ENTREP2: variants seen among roughly 807,000 people sequenced by gnomAD.
ENTREP2 encodes the protein protein ENTREP2.
chr15:29,600,179 A>G, the ENTREP2 span, among the ~76,000 whole-genome samples: 19 of 152,270 alleles, frequency 1.2e-4, no homozygotes, highest in Non-Finnish European at 1.9e-4. Flanking sequence ...CTGAGCATGC[A>G]TGGCTTGAGA....
the ENTREP2 span, among the ~76,000 whole-genome samples, chr15:29,507,629 T>A: frequency 6.6e-6 from 1 of 152,144 alleles, no homozygotes; most frequent in South Asian, 2.1e-4. Context: ...ACATGGAAAC[T>A]GAACAACCTG....
the ENTREP2 span, among the ~76,000 whole-genome samples, chr15:29,281,284 GGAT>G: frequency 6.6e-6 from 1 of 152,070 alleles, no homozygotes. Context: ...TCTTACTTAA[GGAT>G]GATATTTTCT....
chr15:29,202,182 T>A, the ENTREP2 span, among the ~76,000 whole-genome samples: 8 of 152,142 alleles, frequency 5.3e-5, no homozygotes, highest in Admixed American at 4.6e-4. Flanking sequence ...TAGAGTTTTG[T>A]CAATGTTGTT....
the ENTREP2 span, among the ~76,000 whole-genome samples, chr15:29,444,210 GAA>G: frequency 6.8e-6 from 1 of 146,022 alleles, no homozygotes; most frequent in African/African-American, 2.7e-5. Context: ...AAGAAAGAAA[GAA>G]AGAAAGAAAG....
the ENTREP2 span, among the ~76,000 whole-genome samples, chr15:29,600,892 A>ATTTTTTTTTTTTTTTTTTTTTT: frequency 1.0e-5 from 1 of 97,952 alleles, no homozygotes; most frequent in Non-Finnish European, 1.9e-5. Flanking sequence ...GGAAAATATG[A>ATTTTTTTTTTTTTTTTTTTTTT]TTTTTCTTTC....
chr15:29,270,341 A>C, the ENTREP2 span, among the ~76,000 whole-genome samples: 722 of 152,346 alleles, frequency 4.7e-3, 18 homozygotes, highest in Admixed American at 0.035. Flanking sequence ...CTTTCTGCGC[A>C]AGCAGGACTT....
At chr15:29,356,074 T>A in the ENTREP2 span, among the ~76,000 whole-genome samples, 1 of 151,868 alleles carries the variant, frequency 6.6e-6, no homozygotes, top group Non-Finnish European at 1.5e-5. Flanking sequence ...CCCAGGGACT[T>A]ACATTTGCTG....
At chr15:29,373,481 G>C in the ENTREP2 span, 2 of 152,066 alleles carry the variant, frequency 1.3e-5, no homozygotes, top group African/African-American at 2.4e-5. Flanking sequence ...TAACATGGAG[G>C]CTCCTCCAGT....
the ENTREP2 span, among the ~76,000 whole-genome samples, chr15:29,369,186 AG>A: frequency 1.3e-5 from 2 of 152,300 alleles, no homozygotes; most frequent in East Asian, 3.9e-4. Context: ...CTATGGCCAA[AG>A]ACTTCCCAAA....
chr15:29,521,861 A>AACAC, the ENTREP2 span, among the ~76,000 whole-genome samples: 53,648 of 151,178 alleles, frequency 0.35, 9,478 homozygotes, highest in East Asian at 0.41. Flanking sequence ...CATACACTTA[A>AACAC]ACACACACAC....
chr15:29,665,136 A>G, the ENTREP2 span, among the ~76,000 whole-genome samples: 1 of 152,208 alleles, frequency 6.6e-6, no homozygotes, highest in Non-Finnish European at 1.5e-5. Flanking sequence ...TCCCAGCCAG[A>G]GACCTCTGCA....
At chr15:29,376,892 G>C in the ENTREP2 span, 1 of 152,344 alleles carries the variant, frequency 6.6e-6, no homozygotes, top group South Asian at 2.1e-4. Context: ...ACTCATGCCT[G>C]TACTCAGCCA....
chr15:29,138,227 C>T, the ENTREP2 span, among the ~76,000 whole-genome samples: 6 of 152,096 alleles, frequency 3.9e-5, no homozygotes, highest in Non-Finnish European at 7.3e-5. Flanking sequence ...CCTTGAACAC[C>T]GAGATGCTGC....
chr15:29,409,279 T>C, the ENTREP2 span, among the ~76,000 whole-genome samples: 7 of 152,204 alleles, frequency 4.6e-5, no homozygotes, highest in Admixed American at 3.3e-4. Flanking sequence ...GAATTTTAGA[T>C]TCAAACTCAT....
At chr15:29,408,240 T>C in the ENTREP2 span, among the ~76,000 whole-genome samples, 2 of 152,056 alleles carry the variant, frequency 1.3e-5, no homozygotes, top group Non-Finnish European at 2.9e-5. Flanking sequence ...ATCCAGCAGT[T>C]TAAAAAAAAG....
chr15:29,587,427 A>G, the ENTREP2 span, among the ~76,000 whole-genome samples: 70 of 152,258 alleles, frequency 4.6e-4, no homozygotes, highest in African/African-American at 1.6e-3. Flanking sequence ...GCTAAAGATT[A>G]AAACAATTTT....
chr15:29,524,662 C>T, the ENTREP2 span, among the ~76,000 whole-genome samples: 2 of 152,198 alleles, frequency 1.3e-5, no homozygotes, highest in Admixed American at 6.5e-5. Context: ...TTAGCCCAGT[C>T]GGAAGCAGCA....
At chr15:29,445,914 G>C in the ENTREP2 span, among the ~76,000 whole-genome samples, 3 of 152,170 alleles carry the variant, frequency 2.0e-5, no homozygotes, top group Non-Finnish European at 2.9e-5. Flanking sequence ...TGACTTAGAG[G>C]ACACCCAGCT....
chr15:29,269,528 AC>A, the ENTREP2 span: 1 of 1,544,966 alleles, frequency 6.5e-7, no homozygotes, highest in Non-Finnish European at 8.7e-7. Flanking sequence ...GGGCCCTGCG[AC>A]CCCTGCGAGC....
Sources: allele counts gnomAD v4.1 joint callset (sites outside exome capture counted in the v4.1 genomes callset), GRCh38; gene constraint gnomAD v4.1.1; transcripts MANE v1.5; gene names NCBI Gene and HGNC (gene_info 2026-07-23, HGNC 2026-07-21).